ABCC4: variants seen among roughly 807,000 people sequenced by gnomAD.
ABCC4 encodes ATP-binding cassette sub-family C member 4.
A neutral mutation model predicts 168.5 loss-of-function variants in ABCC4; 102 were observed. The observed-to-expected ratio is 0.61, with a 90% CI of 0.52 to 0.71. The LOEUF is 0.71. ABCC4 is among the 30% of genes least tolerant of loss of function. The pLI, the probability that ABCC4 is intolerant of heterozygous loss-of-function variation, is 0.00. For synonymous variants in ABCC4, 617 were observed against 590.7 expected (o/e 1.04, Z -0.65); for missense variants, 1,402 against 1,605.8 (o/e 0.87, Z 2.17).
At chr13:95,222,648 G>C (rs1490750351) in intron 4 of ABCC4, among the ~76,000 whole-genome samples, 3 of 152,212 alleles carry the variant, frequency 2.0e-5, no homozygotes, top group African/African-American at 7.2e-5. Flanking sequence ...TGAAGGTCAA[G>C]CTGAGGTGAG....
chr13:95,290,146 A>AGATAGATAGATG (rs974602496), intron 1 of ABCC4, among the ~76,000 whole-genome samples: 2 of 149,832 alleles, frequency 1.3e-5, no homozygotes, highest in Non-Finnish European at 3.0e-5. Flanking sequence ...ATAGATAGAT[A>AGATAGATAGATG]GATGATAGAT....
At chr13:95,281,970 G>C (rs915396790) in intron 1 of ABCC4, among the ~76,000 whole-genome samples, 2 of 152,064 alleles carry the variant, frequency 1.3e-5, no homozygotes, top group Non-Finnish European at 2.9e-5. Flanking sequence ...ACCCGGATGT[G>C]GTAGCACGCA....
rs1019370520 is a variant in ABCC4 at position 95,043,705 on chromosome 13, T to C, written c.3712A>G (p.Ile1238Val). ...ACCATTATCTTGTCGCTGTCAATAA[T>C]GGTGTTCAATCTGTGTGCAATGGTT... ...VLTIAHRLNTIIDSDKIMVLD... is the reference protein window; with the variant it reads ...VLTIAHRLNTVIDSDKIMVLD... Residue 1238 changes from isoleucine (I) to valine (V), a missense_variant, in exon 29 of 31, where the codon ATT becomes GTT. Physicochemically the swap from Ile to Val is conservative, Grantham distance 29. Coordinates refer to ENST00000645237, the MANE Select transcript of ABCC4 (RefSeq NM_005845.5). The C allele has an allele frequency of 2.5e-6, 4 of 1,613,458 alleles. No individual in the cohort carries two copies. In the African/African-American group the frequency reaches 5.3e-5, roughly 22 times the overall value.
Position 95,173,082 on chromosome 13 carries a change from G to A in ABCC4, c.1728-2454C>T, listed in dbSNP as rs570074194. ...AAGCAAACAGACAACACCCTGAGTC[G>A]TGTAGGGACACTCACTACACAAACA... On this transcript the variant is annotated intron_variant, in intron 13 of 30. Transcript: ENST00000645237. 2.6e-5 allele frequency among the ~76,000 whole-genome samples: 4 copies of A among 152,324 alleles called. No homozygotes were observed. The South Asian group carries it at 6.2e-4, about 24-fold the overall frequency.
chr13:95,124,883 AAAAAT>A (rs1594136817), intron 19 of ABCC4, among the ~76,000 whole-genome samples: 1 of 151,292 alleles, frequency 6.6e-6, no homozygotes, highest in African/African-American at 2.4e-5. Flanking sequence ...ATCTCAAAAA[AAAAAT>A]AAAATAAAAT....
At position 95,166,267 on chromosome 13, in the gene ABCC4, G is replaced by A. The variant is rs374759212; in HGVS notation, c.1925C>T (p.Pro642Leu). Residue 642 changes from proline (P) to leucine (L), a missense_variant, in exon 15 of 31, where the codon CCA (proline) becomes CTA (leucine). Physicochemically the swap from Pro to Leu is moderately conservative, Grantham distance 98. Around this residue, in one of 3 missense-constraint regions of ABCC4, gnomAD observed 1,007 missense variants for 1,127.3 expected, o/e 0.89. Transcript: ENST00000645237. ...KKDNEESEQP[P>L]VPGTPTLRNR... ...CCTTAGTGTGGGAGTTCCTGGAACT[G>A]GAGGTTGTTCACTTTCCTCATTATC... 1 of 1,613,974 alleles carries A rather than the reference G, an allele frequency of 6.2e-7. No homozygotes were observed. Among genetic ancestry groups the A allele is most frequent in the African/African-American group, 1.3e-5 (1 of 74,918 alleles).
chr13:95,088,227 T>C (rs2034319403), intron 20 of ABCC4, among the ~76,000 whole-genome samples: 1 of 152,190 alleles, frequency 6.6e-6, no homozygotes, highest in African/African-American at 2.4e-5. Flanking sequence ...ATGTTTATTA[T>C]GAAATTCAAG....
intron 1 of ABCC4, among the ~76,000 whole-genome samples, chr13:95,255,354 C>T (rs961413197): frequency 1.1e-4 from 16 of 152,154 alleles, no homozygotes; most frequent in African/African-American, 3.1e-4. Context: ...AAGGGGAGCC[C>T]GACACACCTG....
rs1251955832 is a variant in ABCC4, at chr13:95,247,079, C to G, written c.202G>C (p.Val68Leu). 1.2e-6 allele frequency: 2 copies of G among 1,613,614 alleles called. No homozygotes were observed. The highest frequency in any genetic ancestry group is 2.2e-5 in the South Asian group (2 of 90,942). The change falls in exon 3 of 31, where the codon GTT becomes CTT. Residue 68 changes from valine (V) to leucine (L), a missense_variant. By Grantham distance (32) the Val-to-Leu change is conservative. This residue lies in a region of ABCC4 where 317 missense variants were observed against 345.5 expected (regional missense o/e 0.92). Coordinates refer to ENST00000645237, the MANE Select transcript of ABCC4 (RefSeq NM_005845.5). ...EELQGFWDKE[V>L]LRAENDAQKP... ...TGTGCGTCATTCTCAGCTCTTAAAA[C>G]TTCTTTATCCCAGAACCTACAATGA...
At chr13:95,081,051 C>G (rs906640575) in intron 21 of ABCC4, among the ~76,000 whole-genome samples, 2 of 147,180 alleles carry the variant, frequency 1.4e-5, no homozygotes, top group South Asian at 4.2e-4. Context: ...AACCAGCCCC[C>G]GTGGTTGGTG....
At chr13:95,026,109 G>A (rs151124245) in intron 30 of ABCC4, among the ~76,000 whole-genome samples, 16 of 152,114 alleles carry the variant, frequency 1.1e-4, no homozygotes, top group Admixed American at 3.9e-4. Flanking sequence ...TTGTGATGGC[G>A]CACACCTGTA....
intron 20 of ABCC4, among the ~76,000 whole-genome samples, chr13:95,111,754 T>C (rs2035212800): frequency 6.6e-6 from 1 of 152,224 alleles, no homozygotes; most frequent in Non-Finnish European, 1.5e-5. Context: ...GTTAATTGCC[T>C]CTATCTGGCC....
intron 20 of ABCC4, among the ~76,000 whole-genome samples, chr13:95,092,294 T>C (rs866943265): frequency 2.6e-5 from 4 of 152,160 alleles, no homozygotes; most frequent in Admixed American, 6.5e-5. Context: ...ATTTAAACTA[T>C]ACCTTGGAAC....
At chr13:95,151,623 GAGA>G (rs1467555230) in intron 19 of ABCC4, among the ~76,000 whole-genome samples, 3 of 150,862 alleles carry the variant, frequency 2.0e-5, no homozygotes, top group East Asian at 2.0e-4. Context: ...GGAGAAGAAG[GAGA>G]AGAAGGAGGA....
At chr13:95,275,734 A>C (rs2040955722) in intron 1 of ABCC4, among the ~76,000 whole-genome samples, 1 of 132,498 alleles carries the variant, frequency 7.5e-6, no homozygotes, top group African/African-American at 2.9e-5. Flanking sequence ...TGGGTGACAG[A>C]GTAAGTTTCT....
intron 25 of ABCC4, among the ~76,000 whole-genome samples, 190 bp downstream of exon 25, chr13:95,071,472 C>T (rs998693924): frequency 6.6e-6 from 1 of 152,134 alleles, no homozygotes; most frequent in Non-Finnish European, 1.5e-5. Context: ...CCCTGAGGCC[C>T]GGGGCCCACC....
chr13:95,049,666 T>TAAATAA (rs1566372011), intron 27 of ABCC4, among the ~76,000 whole-genome samples: 5 of 144,840 alleles, frequency 3.5e-5, no homozygotes, highest in African/African-American at 1.2e-4. Context: ...TAAATAAAAA[T>TAAATAA]AAATAAATAA....
intron 29 of ABCC4, among the ~76,000 whole-genome samples, chr13:95,038,940 A>G (rs1310382042): frequency 2.6e-5 from 4 of 152,158 alleles, no homozygotes; most frequent in Non-Finnish European, 4.4e-5. Context: ...ATGGCTATAG[A>G]CAAGAGAGAG....
intron 20 of ABCC4, among the ~76,000 whole-genome samples, chr13:95,103,791 C>A (rs1322425850): frequency 6.6e-6 from 1 of 152,164 alleles, no homozygotes; most frequent in African/African-American, 2.4e-5. Context: ...AATTCCTGTG[C>A]TTAAGAAACA....
Sources: allele counts gnomAD v4.1 joint callset (sites outside exome capture counted in the v4.1 genomes callset), GRCh38; gene constraint gnomAD v4.1.1; regional missense constraint gnomAD v4.1.1; transcripts MANE v1.5; gene names NCBI Gene and HGNC (gene_info 2026-07-23, HGNC 2026-07-21).